STX2: variants seen among roughly 807,000 people sequenced by gnomAD.
STX2 encodes the protein syntaxin 2, also known as syntaxin-2.
Under a neutral mutation model 40.6 loss-of-function variants are expected in STX2, and 27 were observed. The observed-to-expected ratio is 0.66, with a 90% CI of 0.49 to 0.92. The LOEUF (loss-of-function observed/expected upper bound fraction) is 0.92, where lower values mean the gene tolerates loss of function less well. STX2 is among the 40% of genes least tolerant of loss of function. STX2 has a pLI of 0.00. For synonymous variants in STX2, 123 were observed against 119.1 expected (o/e 1.03, Z -0.22); for missense variants, 328 against 366.1 (o/e 0.90, Z 0.85).
chr12:130,826,907 G>A (rs1952334138), intron 2 of STX2, among the ~76,000 whole-genome samples: 1 of 151,820 alleles, frequency 6.6e-6, no homozygotes, highest in Non-Finnish European at 1.5e-5. Context: ...TACTTGGGAG[G>A]CTGACGCAAG....
In STX2 at chr12:130,816,291, T is replaced by A. The variant is rs558252748; in HGVS notation, c.206-3260A>T. 2.0e-5 allele frequency among the ~76,000 whole-genome samples: 3 copies of A among 151,682 alleles called. No homozygotes were observed. The South Asian group carries it at 6.3e-4, about 32-fold the overall frequency. ...AGCTGGGCCTGCCAGTGGATGAGAG[T>A]CTCCCTCTTGAGCTGGCGGGCCACA... On this transcript the variant is annotated intron_variant, in intron 3 of 10. Transcript: ENST00000392373.
chr12:130,828,728 C>T lies in STX2; in HGVS notation c.31-1461G>A, dbSNP rs185957416. 5.2e-3 allele frequency among the ~76,000 whole-genome samples: 781 copies of T among 151,642 alleles called. 7 individuals carry two copies. Among genetic ancestry groups the T allele is most frequent in the African/African-American group, 0.018 (725 of 41,384 alleles). ...AAAAATACAAAAAAAATTAGCCGGG[C>T]GCAGTAGTGGGCACCTGTAGTCCCA... is the stretch of plus-strand genomic sequence containing the variant. On this transcript the variant is annotated intron_variant, in intron 1 of 10. Transcript: ENST00000392373.
intron 10 of STX2, among the ~76,000 whole-genome samples, chr12:130,793,513 G>C (rs1408607860): frequency 6.6e-6 from 1 of 152,184 alleles, no homozygotes; most frequent in Non-Finnish European, 1.5e-5. Flanking sequence ...CTGGGTGCTC[G>C]ATGTGTGTGC....
At position 130,794,522 on chromosome 12, in the gene STX2, G is replaced by T. The variant is rs115184706; in HGVS notation, c.*45+1473C>A. Among the ~76,000 whole-genome samples, 682 of 152,306 alleles carry T rather than the reference G, an allele frequency of 4.5e-3. 9 individuals carry two copies. Among genetic ancestry groups the T allele is most frequent in the African/African-American group, 0.016 (654 of 41,560 alleles). On this transcript the variant is annotated intron_variant, in intron 10 of 10. Transcript: ENST00000392373. Reference sequence around the variant, plus strand: ...GATATCAATCTCTTGTTTTGAGATGGTCTCGCTCTGTCACCCAGGCTGGAG... The same window carrying T: ...GATATCAATCTCTTGTTTTGAGATGTTCTCGCTCTGTCACCCAGGCTGGAG...
Position 130,798,525 on chromosome 12 carries a change from C to A in STX2, c.786G>T (p.Arg262Ser). The change falls in exon 9 of 11, where the codon AGG becomes AGT. Residue 262 changes from arginine to serine, a missense_variant and splice_region_variant. Physicochemically the swap from Arg to Ser is moderately radical, Grantham distance 110. Transcript: ENST00000392373. ...KAIKYQSKAR[R>S]KKWIIIAVSV... ...CTTAATTCTTCGAAGCCAAACTCAC[C>A]CTTCTTGCCTTGCTCTGATATTTGA... The A allele has an allele frequency of 6.3e-7, 1 of 1,586,918 alleles. No homozygotes were observed. The highest frequency in any genetic ancestry group is 8.5e-7 in the Non-Finnish European group (1 of 1,171,298).
chr12:130,825,026 T>C (rs986391616), intron 2 of STX2, among the ~76,000 whole-genome samples: 5 of 151,338 alleles, frequency 3.3e-5, no homozygotes, highest in Non-Finnish European at 5.9e-5. Flanking sequence ...AATTGCACAA[T>C]GTAACTTTTC....
intron 1 of STX2, among the ~76,000 whole-genome samples, chr12:130,833,218 G>C (rs79152194): frequency 2.0e-4 from 30 of 151,952 alleles, no homozygotes; most frequent in Middle Eastern, 3.4e-3. Context: ...GAGGAGAGTG[G>C]GAAAGTACAC....
intron 1 of STX2, among the ~76,000 whole-genome samples, chr12:130,836,257 G>A (rs1326421765): frequency 1.3e-5 from 2 of 152,050 alleles, no homozygotes; most frequent in East Asian, 1.9e-4. Flanking sequence ...TTTATACTAG[G>A]GAGAAGGTTG....
At chr12:130,827,127 AG>A in intron 2 of STX2, 65 bp downstream of exon 2, 1 of 534,004 alleles carries the variant, frequency 1.9e-6, no homozygotes, top group Non-Finnish European at 3.2e-6. Flanking sequence ...GAAAGGAGGG[AG>A]GGGTGGGGGG....
At position 130,791,806 on chromosome 12, in the gene STX2, A is replaced by T. The variant is rs1360173606; in HGVS notation, c.*217T>A. Reference sequence around the variant, plus strand: ...AGGTCAGCACTCGATGCCGGGTTACAGCGTCTGAGATTCATTCACGAAATG... The same window carrying T: ...AGGTCAGCACTCGATGCCGGGTTACTGCGTCTGAGATTCATTCACGAAATG... On this transcript the variant is annotated 3_prime_UTR_variant, in exon 11 of 11. Transcript: ENST00000392373. 2.7e-6 allele frequency: 3 copies of T among 1,115,838 alleles called. No individual in the cohort carries two copies. Among genetic ancestry groups the T allele is most frequent in the Non-Finnish European group, 4.1e-6 (3 of 737,688 alleles). The allele number at this position is 1,115,838 out of a possible 1,614,324, so 69.1% of individuals were successfully genotyped here. A position where few individuals can be genotyped will look rare whatever the true frequency, so the allele number is the denominator to read the frequency against.
chr12:130,795,767 A>C (rs1951010511), intron 10 of STX2, among the ~76,000 whole-genome samples: 1 of 152,106 alleles, frequency 6.6e-6, no homozygotes, highest in African/African-American at 2.4e-5. Flanking sequence ...CGGGATAAGA[A>C]GGTGACCTTG....
chr12:130,818,731 C>CT lies in STX2; in HGVS notation c.205+2957dup, dbSNP rs112768678. 8.7e-3 allele frequency among the ~76,000 whole-genome samples: 1,332 copies of CT among 152,302 alleles called. 12 individuals carry two copies. Among genetic ancestry groups the CT allele is most frequent in the African/African-American group, 0.03 (1,264 of 41,560 alleles). On this transcript the variant is annotated intron_variant, in intron 3 of 10. Coordinates refer to ENST00000392373, the MANE Select transcript of STX2 (RefSeq NM_194356.4). ...TTCGGAGCGGAGCCCCAGGGAACGG[C>CT]TGAGGGAACAGGAAGCAGAGAAAAC...
chr12:130,799,267 A>G (rs1951136140), intron 8 of STX2, among the ~76,000 whole-genome samples: 1 of 152,238 alleles, frequency 6.6e-6, no homozygotes, highest in South Asian at 2.1e-4. Context: ...ACTTACTAGT[A>G]ATCTCTGACT....
chr12:130,815,499 T>C (rs1269698157), intron 3 of STX2, among the ~76,000 whole-genome samples: 2 of 152,252 alleles, frequency 1.3e-5, no homozygotes, highest in Non-Finnish European at 2.9e-5. Flanking sequence ...AGAAAAGACC[T>C]GTTTTCCTGA....
chr12:130,833,056 T>A (rs553056490), intron 1 of STX2, among the ~76,000 whole-genome samples: 2 of 152,254 alleles, frequency 1.3e-5, no homozygotes, highest in South Asian at 4.1e-4. Flanking sequence ...CAGCTGCAGG[T>A]TCCACAAGAG....
chr12:130,801,352 G>A (rs534425695), intron 7 of STX2, 62 bp from the exon 8 acceptor site: 68 of 1,589,922 alleles, frequency 4.3e-5, no homozygotes, highest in Middle Eastern at 3.4e-4. Context: ...GAAGTTAAAG[G>A]GTTTTTAAAA....
intron 6 of STX2, among the ~76,000 whole-genome samples, chr12:130,804,932 A>C (rs1951372811): frequency 6.6e-6 from 1 of 151,616 alleles, no homozygotes; most frequent in Non-Finnish European, 1.5e-5. Context: ...GAAGAGACTT[A>C]GGCGATCTGA....
At chr12:130,829,298 A>G (rs1230769787) in intron 1 of STX2, among the ~76,000 whole-genome samples, 1 of 152,208 alleles carries the variant, frequency 6.6e-6, no homozygotes, top group Non-Finnish European at 1.5e-5. Flanking sequence ...TCCAGCTCAC[A>G]AGAGTTGGCA....
At chr12:130,812,475 C>G in intron 4 of STX2, 1 of 371,690 alleles carries the variant, frequency 2.7e-6, no homozygotes, top group Non-Finnish European at 5.3e-6. Context: ...ATCATCTGCA[C>G]AGAGATTGTT....
Sources: gnomAD v4.1 joint callset for allele counts (sites outside exome capture counted in the v4.1 genomes callset) on GRCh38, gnomAD v4.1.1 for gene constraint, MANE v1.5 for transcripts, NCBI Gene and HGNC (gene_info 2026-07-23, HGNC 2026-07-21) for gene names.